The following BMP7 variants were observed in gnomAD, a reference collection of about 807,000 sequenced individuals.
BMP7 encodes the protein osteogenic protein 1.
BMP7 carries 12 observed loss-of-function variants against 41.2 expected under a neutral mutation model. The ratio of observed to expected loss-of-function variants is 0.29; its 90% CI spans 0.19 to 0.47. The LOEUF (loss-of-function observed/expected upper bound fraction) is 0.47. BMP7 is among the 20% of genes least tolerant of loss of function. BMP7 has a pLI of 0.99. For synonymous variants in BMP7, 248 were observed against 250.0 expected (o/e 0.99, Z 0.07); for missense variants, 467 against 606.0 (o/e 0.77, Z 2.41).
intron 1 of BMP7, among the ~76,000 whole-genome samples, chr20:57,229,788 C>T (rs2066021862): frequency 6.6e-6 from 1 of 152,212 alleles, no homozygotes; most frequent in Non-Finnish European, 1.5e-5. Context: ...GTTATGGCTG[C>T]CCGGTTCCAA....
chr20:57,173,251 G>A lies in BMP7; in HGVS notation c.1095C>T (p.Phe365=). 6.2e-7 allele frequency: 1 copy of A among 1,614,170 alleles called. No individual in the cohort carries two copies. Among genetic ancestry groups the A allele is most frequent in the Non-Finnish European group, 8.5e-7 (1 of 1,180,036 alleles). ...TGGCGTTCATGTAGGAGTTCAGAGG[G>A]AAGGCACACTCCCCCTCACAGTAGT... ...AAYYCEGECA[F]PLNSYMNATN... Residue 365 remains phenylalanine (F), a synonymous_variant, in exon 6 of 7, where the codon TTC becomes TTT. Coordinates refer to ENST00000395863, the MANE Select transcript of BMP7 (RefSeq NM_001719.3).
intron 2 of BMP7, among the ~76,000 whole-genome samples, chr20:57,209,057 G>A (rs951987588): frequency 3.3e-5 from 5 of 151,170 alleles, no homozygotes; most frequent in South Asian, 2.1e-4. Flanking sequence ...GGTGGCTCAC[G>A]CCTATAATCC....
At chr20:57,226,857 C>T (rs1427475642) in intron 2 of BMP7, among the ~76,000 whole-genome samples, 1 of 138,096 alleles carries the variant, frequency 7.2e-6, no homozygotes, top group Non-Finnish European at 1.5e-5. Context: ...GAAAGAGTCT[C>T]ACTCTGTCAC....
chr20:57,188,718 A>G (rs565618235), intron 3 of BMP7, among the ~76,000 whole-genome samples: 1 of 152,342 alleles, frequency 6.6e-6, no homozygotes, highest in Admixed American at 6.5e-5. Flanking sequence ...AAGGATGCCT[A>G]CCGCAGTGTC....
At chr20:57,265,630 A>C (rs2066173681) in intron 1 of BMP7, 75 bp downstream of exon 1, 1 of 1,542,026 alleles carries the variant, frequency 6.5e-7, no homozygotes, top group Admixed American at 2.0e-5. Context: ...GGCTGCATAG[A>C]AGAAGCGGCT....
intron 2 of BMP7, among the ~76,000 whole-genome samples, chr20:57,218,840 A>C (rs2123108144): frequency 8.0e-6 from 1 of 125,102 alleles, no homozygotes; most frequent in Admixed American, 9.1e-5. Context: ...GTTCGGTGGT[A>C]GCTGGTATGT....
At chr20:57,239,368 G>T (rs1185739945) in intron 1 of BMP7, among the ~76,000 whole-genome samples, 1 of 152,214 alleles carries the variant, frequency 6.6e-6, no homozygotes, top group Admixed American at 6.5e-5. Context: ...ACTGATGCAA[G>T]AGGTGGCTTC....
chr20:57,244,559 A>G (rs2066082154), intron 1 of BMP7, among the ~76,000 whole-genome samples: 1 of 152,248 alleles, frequency 6.6e-6, no homozygotes, highest in Non-Finnish European at 1.5e-5. Context: ...AGGCTCTGCC[A>G]ATCACCAGCA....
At chr20:57,184,849 C>T (rs942330575) in intron 3 of BMP7, among the ~76,000 whole-genome samples, 1 of 152,192 alleles carries the variant, frequency 6.6e-6, no homozygotes, top group Non-Finnish European at 1.5e-5. Flanking sequence ...AGGGATTCCT[C>T]CCTAGAGCCT....
chr20:57,246,443 A>T (rs1165811144), intron 1 of BMP7, among the ~76,000 whole-genome samples: 2 of 152,214 alleles, frequency 1.3e-5, no homozygotes, highest in Non-Finnish European at 2.9e-5. Context: ...CCCTCATGTG[A>T]GACTCTCCAA....
In BMP7 at chr20:57,170,773, C is replaced by T. The variant is rs760655827; in HGVS notation, c.*186G>A. On this transcript the variant is annotated 3_prime_UTR_variant, in exon 7 of 7. Transcript: ENST00000395863. The stretch of plus-strand genomic sequence containing the variant: ...CTTGTAGGATCTTGTTCATTGGATG[C>T]TGCCACTGAAAAACTGATCAAAAGC... 5.5e-5 allele frequency: 40 copies of T among 730,390 alleles called. No individual in the cohort carries two copies. Among genetic ancestry groups the T allele is most frequent in the Non-Finnish European group, 8.6e-5 (38 of 441,154 alleles). The allele number at this position is 730,390 out of a possible 1,614,324, so 45.2% of individuals were successfully genotyped here.
At position 57,243,699 on chromosome 20, in the gene BMP7, G is replaced by A. The variant is rs150078210; in HGVS notation, c.419-15278C>T. On this transcript the variant is annotated intron_variant, in intron 1 of 6. Transcript: ENST00000395863. Reference sequence around the variant, plus strand: ...TGTTAGACGTGCCAAGTTCACGACCGCAGAGGCTTTGCTCCAGGCCTGCCC... The same window carrying A: ...TGTTAGACGTGCCAAGTTCACGACCACAGAGGCTTTGCTCCAGGCCTGCCC... Among the ~76,000 whole-genome samples the A allele has an allele frequency of 3.6e-3, 541 of 152,152 alleles. 3 individuals are homozygous for A. The highest frequency in any genetic ancestry group is 0.01 in the Middle Eastern group (3 of 294).
At position 57,216,591 on chromosome 20, in the gene BMP7, CGAGGGGCTGTCTCCTGAGGGT is replaced by C. The variant is rs1222000278; in HGVS notation, c.611+11617_611+11637del. On this transcript the variant is annotated intron_variant, in intron 2 of 6. Transcript: ENST00000395863. Reference sequence around the variant, plus strand: ...AGGGTGAGGGGCTGTCTCTTGAGGGCGAGGGGCTGTCTCCTGAGGGTGAGGGACTGTCTCCTGAGGGTGAGG... The same window carrying C: ...AGGGTGAGGGGCTGTCTCTTGAGGGCGAGGGACTGTCTCCTGAGGGTGAGG... 3.1e-4 allele frequency among the ~76,000 whole-genome samples: 41 copies of C among 133,962 alleles called. 1 individual carries two copies. Among genetic ancestry groups the C allele is most frequent in the Non-Finnish European group, 1.2e-4 (8 of 66,124 alleles). 87.9% of individuals were successfully genotyped at this position (133,962 alleles called of 152,430 possible). A position where few individuals can be genotyped will look rare whatever the true frequency, so the allele number is the denominator to read the frequency against.
At chr20:57,184,532 G>A (rs1345256046) in intron 3 of BMP7, among the ~76,000 whole-genome samples, 1 of 152,228 alleles carries the variant, frequency 6.6e-6, no homozygotes, top group East Asian at 1.9e-4. Context: ...GTAGGGGCAC[G>A]AGTCAGGTCG....
chr20:57,234,643 G>A (rs1418174194), intron 1 of BMP7, among the ~76,000 whole-genome samples: 1 of 81,922 alleles, frequency 1.2e-5, no homozygotes, highest in African/African-American at 1.2e-4. Flanking sequence ...GGATGGGCAG[G>A]AAACACTCCC....
At position 57,257,211 on chromosome 20, in the gene BMP7, C is replaced by G. The variant is rs542820719; in HGVS notation, c.418+8494G>C. ...TTTAACGCACCAAGATTGTGAGTTTCTTCACACACAATAACTTCATTTATA... is the reference window on the plus strand; with the variant it reads ...TTTAACGCACCAAGATTGTGAGTTTGTTCACACACAATAACTTCATTTATA... On this transcript the variant is annotated intron_variant, in intron 1 of 6. Coordinates refer to ENST00000395863, the MANE Select transcript of BMP7 (RefSeq NM_001719.3). Among the ~76,000 whole-genome samples, 56 of 152,250 alleles carry G rather than the reference C, an allele frequency of 3.7e-4. 4 individuals carry two copies. Among genetic ancestry groups the G allele is most frequent in the Non-Finnish European group, 1.3e-4 (9 of 68,026 alleles).
At chr20:57,262,385 G>A (rs546422429) in intron 1 of BMP7, among the ~76,000 whole-genome samples, 12 of 152,282 alleles carry the variant, frequency 7.9e-5, no homozygotes, top group African/African-American at 2.9e-4. Context: ...AGTTCACATT[G>A]CCTGGGGCTT....
At chr20:57,191,196 C>A (rs1984349589) in intron 3 of BMP7, among the ~76,000 whole-genome samples, 1 of 152,126 alleles carries the variant, frequency 6.6e-6, no homozygotes, top group Non-Finnish European at 1.5e-5. Flanking sequence ...TTAGAAGGTG[C>A]ATCATGAAGC....
chr20:57,206,360 C>T (rs532698117), intron 2 of BMP7, among the ~76,000 whole-genome samples: 1 of 152,320 alleles, frequency 6.6e-6, no homozygotes, highest in Admixed American at 6.5e-5. Context: ...AGTCCTGTTA[C>T]TGTTTTACAG....
Sources: gnomAD v4.1 joint callset for allele counts (sites outside exome capture counted in the v4.1 genomes callset) on GRCh38, gnomAD v4.1.1 for gene constraint, MANE v1.5 for transcripts, NCBI Gene and HGNC (gene_info 2026-07-23, HGNC 2026-07-21) for gene names.